The following C10orf53 variants were observed in gnomAD, a reference collection of about 807,000 sequenced individuals.
C10orf53 encodes chromosome 10 open reading frame 53.
In C10orf53, 8 loss-of-function variants were observed where a neutral mutation model predicts 9.4. The ratio of observed to expected loss-of-function variants is 0.85; its 90% CI spans 0.50 to 1.53. The LOEUF is 1.53. C10orf53 is among the 40% of genes most tolerant of loss of function. The pLI is 0.00. For missense variants in C10orf53, 117 were observed against 117.8 expected (o/e 0.99, Z 0.03); for synonymous variants, 48 against 46.0 (o/e 1.04, Z -0.18).
At chr10:49,709,891 G>C (rs1488119172) in exon 3 of C10orf53, 1 of 152,302 alleles carries the variant, frequency 6.6e-6, no homozygotes, top group Non-Finnish European at 1.5e-5. Context: ...CCCCTCTCTG[G>C]TTCCCTGCAG....
intron 1 of C10orf53, among the ~76,000 whole-genome samples, chr10:49,693,088 T>C (rs981573516): frequency 2.6e-5 from 4 of 152,202 alleles, no homozygotes; most frequent in African/African-American, 9.6e-5. Context: ...TCCTAAGTTT[T>C]TGCTTATATT....
chr10:49,685,137 C>T (rs539937168), intron 1 of C10orf53, among the ~76,000 whole-genome samples: 1 of 152,316 alleles, frequency 6.6e-6, no homozygotes, highest in South Asian at 2.1e-4. Flanking sequence ...CACATACACA[C>T]ACACACGCAC....
Position 49,696,462 on chromosome 10 carries a change from C to T in C10orf53, c.*1860C>T, listed in dbSNP as rs1468202776. Among the ~76,000 whole-genome samples the T allele has an allele frequency of 5.3e-5, 8 of 152,232 alleles. No individual in the cohort carries two copies. The highest frequency in any genetic ancestry group is 7.3e-5 in the Non-Finnish European group (5 of 68,034). ...TGCAACCCCGGCATTAAACTGGTAA[C>T]AAGTGCTTCCCTCGGCAGCCCCATG... On this transcript the variant is annotated 3_prime_UTR_variant, in exon 3 of 3. Transcript: ENST00000374111.
At chr10:49,691,905 C>G (rs1387833975) in intron 1 of C10orf53, among the ~76,000 whole-genome samples, 1 of 152,212 alleles carries the variant, frequency 6.6e-6, no homozygotes, top group African/African-American at 2.4e-5. Context: ...CCTTGCCTCA[C>G]AGGTGGAGGT....
chr10:49,690,120 C>T (rs115061758), intron 1 of C10orf53, among the ~76,000 whole-genome samples: 1,757 of 152,070 alleles, frequency 0.012, 33 homozygotes, highest in African/African-American at 0.04. Flanking sequence ...AGGCAGCAGG[C>T]GCAGGTGGCT....
intron 2 of C10orf53, 127 bp downstream of exon 2, chr10:49,694,020 G>A: frequency 2.9e-6 from 4 of 1,358,842 alleles, no homozygotes; most frequent in Non-Finnish European, 4.1e-6. Context: ...TTTGAAACTT[G>A]TACTGAAAGC....
intron 2 of C10orf53, among the ~76,000 whole-genome samples, chr10:49,706,455 G>A (rs996750357): frequency 2.0e-5 from 3 of 152,138 alleles, no homozygotes; most frequent in African/African-American, 4.8e-5. Flanking sequence ...CCTTGAAAAC[G>A]TCATGCTAAG....
intron 1 of C10orf53, among the ~76,000 whole-genome samples, chr10:49,689,885 G>A (rs556976073): frequency 6.6e-6 from 1 of 152,132 alleles, no homozygotes; most frequent in Non-Finnish European, 1.5e-5. Context: ...TCATTACATT[G>A]ATAACTTGAT....
intron 2 of C10orf53, among the ~76,000 whole-genome samples, chr10:49,707,120 T>C (rs1258235): frequency 0.89 from 135,092 of 152,208 alleles, 61,049 homozygotes; most frequent in East Asian, 0.97. Flanking sequence ...TGATCTAGCC[T>C]TGGTCACCTG....
chr10:49,697,489 A>G lies in C10orf53; in HGVS notation c.*2887A>G, dbSNP rs191655435. Among the ~76,000 whole-genome samples, 416 of 152,348 alleles carry G rather than the reference A, an allele frequency of 2.7e-3. No individual in the cohort carries two copies. The highest frequency in any genetic ancestry group is 5.2e-3 in the Non-Finnish European group (351 of 68,032). ...TTAAGTTTTATAAGATGTCAAGTCA[A>G]TGTCGTTATGATTAACATGTAAAGA... On this transcript the variant is annotated 3_prime_UTR_variant, in exon 3 of 3. Transcript: ENST00000374111.
chr10:49,708,422 G>T, exon 3 of C10orf53: 1 of 1,614,162 alleles, frequency 6.2e-7, no homozygotes, highest in South Asian at 1.1e-5. Flanking sequence ...CATTTCACCA[G>T]CTTAGCAGCC....
chr10:49,707,843 T>C (rs1840733613), intron 2 of C10orf53, among the ~76,000 whole-genome samples: 1 of 151,972 alleles, frequency 6.6e-6, no homozygotes, highest in Non-Finnish European at 1.5e-5. Flanking sequence ...TTCTGAGGCA[T>C]CTAATAGTAT....
chr10:49,680,872 A>G (rs776809543), intron 1 of C10orf53, among the ~76,000 whole-genome samples: 3 of 152,208 alleles, frequency 2.0e-5, no homozygotes, highest in Admixed American at 6.5e-5. Context: ...TGTCCACTAA[A>G]ATCAAAGACA....
At chr10:49,698,504 C>A (rs185860846), downstream of C10orf53, among the ~76,000 whole-genome samples, 212 of 152,258 alleles carry the variant, frequency 1.4e-3, no homozygotes, top group South Asian at 0.012. Context: ...AGACATTCAT[C>A]CCCAGCCCTG....
At chr10:49,700,533 C>A (rs757172030), downstream of C10orf53, among the ~76,000 whole-genome samples, 24 of 152,142 alleles carry the variant, frequency 1.6e-4, no homozygotes, top group African/African-American at 5.8e-4. Context: ...GGAAATACTC[C>A]GGGTTGGCGG....
At chr10:49,698,420 T>C (rs1410428676), downstream of C10orf53, among the ~76,000 whole-genome samples, 3 of 152,094 alleles carry the variant, frequency 2.0e-5, no homozygotes, top group Non-Finnish European at 4.4e-5. Flanking sequence ...ACTGAACACA[T>C]GGTGCTGAGG....
intron 1 of C10orf53, among the ~76,000 whole-genome samples, chr10:49,681,248 TAGAA>T (rs1211948309): frequency 6.6e-6 from 1 of 152,076 alleles, no homozygotes; most frequent in Non-Finnish European, 1.5e-5. Flanking sequence ...GAAATGGAGA[TAGAA>T]AGATGTGAGT....
chr10:49,683,524 T>G (rs147800519), intron 1 of C10orf53, among the ~76,000 whole-genome samples: 19 of 152,376 alleles, frequency 1.2e-4, no homozygotes, highest in African/African-American at 4.3e-4. Context: ...ATTTTTAATT[T>G]TAATGAAGTC....
chr10:49,699,714 A>C (rs1440268264), downstream of C10orf53, among the ~76,000 whole-genome samples: 1 of 152,276 alleles, frequency 6.6e-6, no homozygotes. Flanking sequence ...CCACAGCTAT[A>C]GTGTGTGCAG....
Sources: allele counts gnomAD v4.1 joint callset (sites outside exome capture counted in the v4.1 genomes callset), GRCh38; gene constraint gnomAD v4.1.1; transcripts MANE v1.5; gene names NCBI Gene and HGNC (gene_info 2026-07-23, HGNC 2026-07-21).